BCR: variants seen among roughly 807,000 people sequenced by gnomAD.
BCR encodes the protein breakpoint cluster region protein.
Under a neutral mutation model 138.6 loss-of-function variants are expected in BCR, and 58 were observed. That is an observed-to-expected ratio of 0.42 (90% CI 0.34 to 0.52). The LOEUF (loss-of-function observed/expected upper bound fraction) is 0.52, where lower values mean the gene tolerates loss of function less well. BCR is among the 20% of genes least tolerant of loss of function. The probability of loss-of-function intolerance (pLI) is 0.06; values close to 1 mark genes in which losing one functional copy is unlikely to be tolerated. For synonymous variants in BCR, 786 were observed against 730.1 expected, an observed-to-expected ratio of 1.08 and a Z score of -1.23; for missense variants, 1,599 against 1,727.2, an observed-to-expected ratio of 0.93 and a Z score of 1.32.
chr22:23,228,325 C>G (rs764954288), intron 1 of BCR, among the ~76,000 whole-genome samples: 1 of 152,078 alleles, frequency 6.6e-6, no homozygotes, highest in African/African-American at 2.4e-5. Context: ...TAATTTTCCT[C>G]GAGACTTCCT....
At chr22:23,229,341 T>C (rs1004823800) in intron 1 of BCR, among the ~76,000 whole-genome samples, 1 of 152,220 alleles carries the variant, frequency 6.6e-6, no homozygotes, top group Non-Finnish European at 1.5e-5. Context: ...TGGGTCATCT[T>C]GGGGTTGATG....
intron 14 of BCR, among the ~76,000 whole-genome samples, chr22:23,291,699 A>G (rs1189426002): frequency 1.3e-5 from 2 of 151,956 alleles, no homozygotes; most frequent in Non-Finnish European, 2.9e-5. Context: ...TTATTCATGG[A>G]CCCCAAACTT....
intron 1 of BCR, among the ~76,000 whole-genome samples, chr22:23,216,506 G>T (rs2072753972): frequency 6.6e-6 from 1 of 152,230 alleles, no homozygotes; most frequent in African/African-American, 2.4e-5. Context: ...TGGTAAGGAT[G>T]AAAATGAATT....
At chr22:23,261,762 TTAGA>T in intron 4 of BCR, 1 of 320,822 alleles carries the variant, frequency 3.1e-6, no homozygotes, top group Non-Finnish European at 5.6e-6. Flanking sequence ...TTATATTTAT[TTAGA>T]TAGTTATTTT....
chr22:23,199,225 G>T (rs1451226921), intron 1 of BCR: 2 of 510,360 alleles, frequency 3.9e-6, no homozygotes, highest in Non-Finnish European at 7.8e-6. Context: ...CAGATGGTGT[G>T]AGTGGCTCCA....
At chr22:23,300,185 G>T (rs988300200) in intron 16 of BCR, among the ~76,000 whole-genome samples, 3 of 152,012 alleles carry the variant, frequency 2.0e-5, no homozygotes, top group Non-Finnish European at 4.4e-5. Context: ...TCCCAGGGGG[G>T]CAGGTGCAAA....
chr22:23,199,263 G>A (rs373677910), intron 1 of BCR: 1 of 518,860 alleles, frequency 1.9e-6, no homozygotes, highest in South Asian at 1.4e-5. Context: ...CTGTGCAAGA[G>A]CCAGGAAGGC....
intron 16 of BCR, among the ~76,000 whole-genome samples, chr22:23,304,913 A>G (rs1002019621): frequency 2.6e-5 from 4 of 152,162 alleles, no homozygotes; most frequent in African/African-American, 9.7e-5. Context: ...TCAGGAGTTC[A>G]AGACCAGCCT....
At chr22:23,218,069 C>G (rs2072778032) in intron 1 of BCR, among the ~76,000 whole-genome samples, 1 of 152,226 alleles carries the variant, frequency 6.6e-6, no homozygotes, top group African/African-American at 2.4e-5. Context: ...CAGAGGAATC[C>G]TTCCCCTGTC....
At chr22:23,234,249 A>G (rs911557227) in intron 1 of BCR, among the ~76,000 whole-genome samples, 4 of 152,164 alleles carry the variant, frequency 2.6e-5, no homozygotes, top group Non-Finnish European at 2.9e-5. Context: ...CAGTTTGGCC[A>G]CCCTGACCTC....
intron 16 of BCR, among the ~76,000 whole-genome samples, chr22:23,297,204 G>GTTGTTTT (rs1555884030): frequency 8.1e-6 from 1 of 124,156 alleles, no homozygotes; most frequent in Non-Finnish European, 1.6e-5. Flanking sequence ...GCCTGGCTAA[G>GTTGTTTT]TTGTTTTTTG....
chr22:23,280,767 C>T (rs2073634653), intron 8 of BCR, among the ~76,000 whole-genome samples: 1 of 152,222 alleles, frequency 6.6e-6, no homozygotes, highest in South Asian at 2.1e-4. Flanking sequence ...AGACAGGTGG[C>T]GTTTCTTCCA....
intron 10 of BCR, 97 bp downstream of exon 10, chr22:23,285,298 G>T: frequency 2.9e-6 from 4 of 1,373,298 alleles, no homozygotes; most frequent in Non-Finnish European, 3.9e-6. Context: ...AGGCCTCTGG[G>T]CCCCAGGTCT....
chr22:23,274,228 C>T (rs910490854), intron 8 of BCR, among the ~76,000 whole-genome samples: 6 of 152,132 alleles, frequency 3.9e-5, no homozygotes, highest in Admixed American at 3.9e-4. Context: ...AAGTGGGGTT[C>T]GTGGTTTGTG....
In BCR at chr22:23,317,079, G is replaced by A. The variant is rs1305723834; in HGVS notation, c.*1557G>A. 1 of 178,778 alleles carries A rather than the reference G, an allele frequency of 5.6e-6. No individual in the cohort carries two copies. Among genetic ancestry groups the A allele is most frequent in the Non-Finnish European group, 1.1e-5 (1 of 91,494 alleles). 11.1% of individuals were successfully genotyped at this position (178,778 alleles called of 1,614,324 possible). ...ACCAGCACCCAGTGCGGCTCTGTCTGGCACCCGCTCCCAAGGTGGGAGGAG... is the reference window on the plus strand; with the variant it reads ...ACCAGCACCCAGTGCGGCTCTGTCTAGCACCCGCTCCCAAGGTGGGAGGAG... On this transcript the variant is annotated 3_prime_UTR_variant, in exon 23 of 23. Transcript: ENST00000305877.
intron 1 of BCR, among the ~76,000 whole-genome samples, chr22:23,242,624 C>G (rs1451072290): frequency 6.6e-6 from 1 of 152,226 alleles, no homozygotes; most frequent in East Asian, 1.9e-4. Flanking sequence ...GTTGAAGGCT[C>G]TGTTGGTCGC....
intron 1 of BCR, among the ~76,000 whole-genome samples, chr22:23,222,104 A>AAAAGAG (rs1555876401): frequency 0.021 from 3,109 of 151,616 alleles, 105 homozygotes; most frequent in African/African-American, 0.07. Flanking sequence ...AAACAAAAAA[A>AAAAGAG]AGAGAGAGAA....
intron 1 of BCR, among the ~76,000 whole-genome samples, chr22:23,226,337 T>A (rs1361561196): frequency 6.6e-6 from 1 of 151,934 alleles, no homozygotes; most frequent in African/African-American, 2.4e-5. Flanking sequence ...AGTGTGTGTG[T>A]GTGTGTGTGT....
At position 23,271,654 on chromosome 22, in the gene BCR, GGGC is replaced by G. The variant is rs1052866509; in HGVS notation, c.1921+64_1921+66del. ...TCAGGGAGGCTGCTGCTGGCAGAGG[GGGC>G]GTTGTGGAAAAGCAGACACAGTGCC... On this transcript the variant is annotated intron_variant, in intron 6 of 22. Transcript: ENST00000305877. 1.9e-5 allele frequency: 29 copies of G among 1,547,936 alleles called. No individual in the cohort carries two copies. In the African/African-American group the frequency reaches 3.9e-4, roughly 21 times the overall value.
Sources: allele counts gnomAD v4.1 joint callset (sites outside exome capture counted in the v4.1 genomes callset), GRCh38; gene constraint gnomAD v4.1.1; transcripts MANE v1.5; gene names NCBI Gene and HGNC (gene_info 2026-07-23, HGNC 2026-07-21).